Variants in SUCLG2 observed in about 807,000 individuals in gnomAD.
SUCLG2 encodes succinate-CoA ligase GDP-forming subunit beta.
SUCLG2 carries 42 observed loss-of-function variants against 47.9 expected under a neutral mutation model. That is an observed-to-expected ratio of 0.88 (90% CI 0.69 to 1.14). The LOEUF (loss-of-function observed/expected upper bound fraction) is 1.14. SUCLG2 is among the 50% of genes most tolerant of loss of function. The pLI is 0.00. For synonymous variants in SUCLG2, 195 were observed against 197.3 expected (o/e 0.99, Z 0.10); for missense variants, 571 against 525.9 (o/e 1.09, Z -0.84).
chr3:67,506,774 TCTC>T (rs1356628568), intron 7 of SUCLG2, among the ~76,000 whole-genome samples: 3 of 152,246 alleles, frequency 2.0e-5, no homozygotes, highest in Non-Finnish European at 1.5e-5. Flanking sequence ...TGTTAAACCT[TCTC>T]CTTCATTTCT....
rs554311386 is a variant in SUCLG2, at chr3:67,450,048, C to T, written c.1062+45750G>A. 7.9e-5 allele frequency among the ~76,000 whole-genome samples: 12 copies of T among 151,210 alleles called. No individual in the cohort carries two copies. The East Asian group carries it at 2.2e-3, about 27-fold the overall frequency. On this transcript the variant is annotated intron_variant, in intron 9 of 10. Transcript: ENST00000307227. ...AAAACAGTATTTTTTTTAAAATTAACTAATTAATTTAGAGACAGGGTCTTG... is the reference window on the plus strand; with the variant it reads ...AAAACAGTATTTTTTTTAAAATTAATTAATTAATTTAGAGACAGGGTCTTG...
chr3:67,481,928 C>T (rs570093417), intron 9 of SUCLG2, among the ~76,000 whole-genome samples: 94 of 152,332 alleles, frequency 6.2e-4, no homozygotes, highest in African/African-American at 2.2e-3. Context: ...CCTGTAATCC[C>T]AGCACTTTGT....
intron 10 of SUCLG2, chr3:67,376,177 T>TCCC (rs1559636612): frequency 8.3e-6 from 8 of 963,120 alleles, no homozygotes; most frequent in Non-Finnish European, 9.7e-6. Flanking sequence ...AGAAGTCACT[T>TCCC]GTCTTAAAGC....
chr3:67,529,111 T>C lies in SUCLG2; in HGVS notation c.302A>G (p.Lys101Arg), dbSNP rs74675534. 7.8e-3 allele frequency: 12,553 copies of C among 1,612,796 alleles called. 68 individuals carry two copies. The highest frequency in any genetic ancestry group is 9.6e-3 in the Non-Finnish European group (11,367 of 1,179,682). Residue 101 changes from lysine to arginine, a missense_variant, in exon 3 of 11, where the codon AAA (lysine) becomes AGA (arginine). By Grantham distance (26) the Lys-to-Arg change is conservative (BLOSUM62 2). Coordinates refer to ENST00000307227, the MANE Select transcript of SUCLG2 (RefSeq NM_003848.4). ...CTCTTTTGTTAAATGAACACCTCCT[T>C]TCAAACCACTATTGAAGACACCTTT... ...RGKGVFNSGL[K>R]GGVHLTKDPN...
chr3:67,634,320 C>T (rs1327304360), intron 1 of SUCLG2, among the ~76,000 whole-genome samples: 2 of 152,092 alleles, frequency 1.3e-5, no homozygotes, highest in Non-Finnish European at 2.9e-5. Flanking sequence ...CAGTGGCTCA[C>T]ACCTATAATC....
At chr3:67,439,596 A>G (rs953270096) in intron 9 of SUCLG2, among the ~76,000 whole-genome samples, 8 of 152,206 alleles carry the variant, frequency 5.3e-5, no homozygotes, top group African/African-American at 1.9e-4. Flanking sequence ...AATAACAAAC[A>G]GAGAGCCAAA....
At chr3:67,452,525 A>G (rs1704079759) in intron 9 of SUCLG2, among the ~76,000 whole-genome samples, 1 of 152,208 alleles carries the variant, frequency 6.6e-6, no homozygotes, top group Non-Finnish European at 1.5e-5. Context: ...TAGTTTCTTT[A>G]TTAAACCCTT....
chr3:67,438,287 T>A (rs1703672840), intron 9 of SUCLG2, among the ~76,000 whole-genome samples: 1 of 152,034 alleles, frequency 6.6e-6, no homozygotes, highest in African/African-American at 2.4e-5. Context: ...AAGAAAGACC[T>A]AAAATCGACA....
intron 1 of SUCLG2, among the ~76,000 whole-genome samples, chr3:67,634,641 C>T (rs1318476732): frequency 6.6e-6 from 1 of 152,166 alleles, no homozygotes; most frequent in African/African-American, 2.4e-5. Flanking sequence ...AAGCAAACTA[C>T]TCAGTCACTA....
At position 67,568,499 on chromosome 3, in the gene SUCLG2, T is replaced by C. The variant is rs139067743; in HGVS notation, c.227-39313A>G. Reference sequence around the variant, plus strand: ...GGTCTTAAAGAAAACTTAAGTGGCATCTTTTTAAAAGAAAGCATAAGTATT... The same window carrying C: ...GGTCTTAAAGAAAACTTAAGTGGCACCTTTTTAAAAGAAAGCATAAGTATT... On this transcript the variant is annotated intron_variant, in intron 2 of 10. Coordinates refer to ENST00000307227, the MANE Select transcript of SUCLG2 (RefSeq NM_003848.4). Among the ~76,000 whole-genome samples the C allele has an allele frequency of 1.7e-3, 260 of 152,336 alleles. 3 individuals carry two copies. The East Asian group carries it at 0.035, about 21-fold the overall frequency.
chr3:67,635,982 G>C (rs996640465), intron 1 of SUCLG2, among the ~76,000 whole-genome samples: 1 of 152,182 alleles, frequency 6.6e-6, no homozygotes, highest in African/African-American at 2.4e-5. Context: ...AGCTTACATG[G>C]TCACACAGGA....
chr3:67,470,045 C>CAA (rs200817099), intron 9 of SUCLG2, among the ~76,000 whole-genome samples: 32 of 96,416 alleles, frequency 3.3e-4, no homozygotes, highest in African/African-American at 8.4e-4. Context: ...AACTCCATAT[C>CAA]AAAAAAAAAA....
intron 2 of SUCLG2, among the ~76,000 whole-genome samples, chr3:67,577,747 G>A (rs974834401): frequency 2.6e-5 from 4 of 152,146 alleles, no homozygotes; most frequent in African/African-American, 4.8e-5. Context: ...CAGAGCCTCA[G>A]AAAGTGGTAT....
At chr3:67,486,658 A>C (rs1350607468) in intron 9 of SUCLG2, among the ~76,000 whole-genome samples, 2 of 152,200 alleles carry the variant, frequency 1.3e-5, no homozygotes, top group Non-Finnish European at 2.9e-5. Context: ...TGCTCTCTGT[A>C]GGGTACATCC....
intron 2 of SUCLG2, among the ~76,000 whole-genome samples, chr3:67,602,572 A>C (rs977432805): frequency 1.3e-5 from 2 of 152,212 alleles, no homozygotes; most frequent in African/African-American, 4.8e-5. Context: ...AAGAAAAAAG[A>C]ACATTTTATA....
Position 67,473,554 on chromosome 3 carries a change from C to A in SUCLG2, c.1062+22244G>T, listed in dbSNP as rs182070446. On this transcript the variant is annotated intron_variant, in intron 9 of 10. Transcript: ENST00000307227. ...ATCCCTTCTGTACCAACCTCCCAGG[C>A]AATCATTAAGAGTCTTTTGACTACA... Among the ~76,000 whole-genome samples the A allele has an allele frequency of 1.8e-3, 281 of 152,196 alleles. 1 individual carries two copies. Among genetic ancestry groups the A allele is most frequent in the African/African-American group, 6.6e-3 (272 of 41,526 alleles).
chr3:67,527,205 G>A (rs1249830478), intron 4 of SUCLG2, among the ~76,000 whole-genome samples: 1 of 152,246 alleles, frequency 6.6e-6, no homozygotes, highest in Non-Finnish European at 1.5e-5. Flanking sequence ...GCAGTGTCCT[G>A]CAGCATGGTG....
In SUCLG2 at chr3:67,487,518, A is replaced by AC. The variant is rs58007404; in HGVS notation, c.1062+8279_1062+8280insG. Among the ~76,000 whole-genome samples the AC allele has an allele frequency of 5.3e-5, 8 of 151,848 alleles. No homozygotes were observed. The South Asian group carries it at 6.3e-4, about 12-fold the overall frequency. ...CACATATACACACACACACACACAC[A>AC]AACACACACACAGAGTCCTGTGTTC... On this transcript the variant is annotated intron_variant, in intron 9 of 10. Coordinates refer to ENST00000307227, the MANE Select transcript of SUCLG2 (RefSeq NM_003848.4).
At chr3:67,575,916 T>G (rs190019349) in intron 2 of SUCLG2, among the ~76,000 whole-genome samples, 143 of 152,318 alleles carry the variant, frequency 9.4e-4, no homozygotes, top group African/African-American at 3.3e-3. Flanking sequence ...GCAGCTGTTC[T>G]CTGGATTCCT....
Sources: allele counts gnomAD v4.1 joint callset (sites outside exome capture counted in the v4.1 genomes callset), GRCh38; gene constraint gnomAD v4.1.1; transcripts MANE v1.5; gene names NCBI Gene and HGNC (gene_info 2026-07-23, HGNC 2026-07-21).